The following GBE1 variants were observed in gnomAD, a reference collection of about 807,000 sequenced individuals.
The protein encoded by GBE1 is 1,4-alpha-glucan branching enzyme 1, also known as 1,4-alpha-glucan-branching enzyme.
GBE1 carries 70 observed loss-of-function variants against 88.8 expected under a neutral mutation model. That is an observed-to-expected ratio of 0.79 (90% CI 0.65 to 0.96). GBE1 has a LOEUF of 0.96. GBE1 is among the 40% of genes least tolerant of loss of function. The probability of loss-of-function intolerance (pLI) is 0.00; values close to 1 mark genes in which losing one functional copy is unlikely to be tolerated. For missense variants in GBE1, 872 were observed against 871.0 expected, an observed-to-expected ratio of 1.00 and a Z score of -0.01; for synonymous variants, 284 against 300.1, an observed-to-expected ratio of 0.95 and a Z score of 0.56.
chr3:81,659,267 A>C (rs1234222388), intron 3 of GBE1, among the ~76,000 whole-genome samples: 8 of 152,122 alleles, frequency 5.3e-5, no homozygotes, highest in Non-Finnish European at 8.8e-5. Context: ...TAATTACAAA[A>C]GTCTATGTGG....
intron 14 of GBE1, among the ~76,000 whole-genome samples, chr3:81,502,077 T>A (rs1702593972): frequency 6.6e-6 from 1 of 151,898 alleles, no homozygotes; most frequent in African/African-American, 2.4e-5. Context: ...TAATATTTAA[T>A]CGTTATTTTC....
intron 1 of GBE1, among the ~76,000 whole-genome samples, chr3:81,753,570 C>T (rs753013392): frequency 3.2e-4 from 49 of 152,288 alleles, no homozygotes; most frequent in Non-Finnish European, 5.6e-4. Flanking sequence ...GAAAGGAATC[C>T]TGTAAGTTAC....
intron 1 of GBE1, among the ~76,000 whole-genome samples, chr3:81,735,679 C>A (rs1401563170): frequency 6.6e-6 from 1 of 152,124 alleles, no homozygotes; most frequent in African/African-American, 2.4e-5. Flanking sequence ...TGGGCTTTTT[C>A]CCAGTAAACA....
intron 3 of GBE1, among the ~76,000 whole-genome samples, chr3:81,663,849 C>A (rs1171315229): frequency 6.6e-6 from 1 of 152,158 alleles, no homozygotes; most frequent in African/African-American, 2.4e-5. Flanking sequence ...AGCCACACCC[C>A]CATCGCGCGC....
intron 14 of GBE1, among the ~76,000 whole-genome samples, chr3:81,516,480 G>A (rs1002647682): frequency 2.6e-5 from 4 of 151,502 alleles, no homozygotes; most frequent in East Asian, 1.9e-4. Flanking sequence ...CTCTGACTGA[G>A]ATGTACAAGG....
intron 9 of GBE1, among the ~76,000 whole-genome samples, chr3:81,588,749 T>G (rs1048899191): frequency 6.6e-6 from 1 of 152,154 alleles, no homozygotes; most frequent in African/African-American, 2.4e-5. Context: ...TCTTACACAT[T>G]GTTACATTTA....
At chr3:81,575,999 A>G in intron 12 of GBE1, among the ~76,000 whole-genome samples, 1 of 152,158 alleles carries the variant, frequency 6.6e-6, no homozygotes, top group East Asian at 1.9e-4. Flanking sequence ...CTCACAAGTG[A>G]CAAATCTTAC....
chr3:81,611,057 GA>G (rs531827971), intron 7 of GBE1, among the ~76,000 whole-genome samples: 2,142 of 148,708 alleles, frequency 0.014, 58 homozygotes, highest in African/African-American at 0.05. Flanking sequence ...AGTCAGGTTA[GA>G]AAAAAAAAAT....
chr3:81,641,476 T>C (rs1237421616), intron 7 of GBE1, among the ~76,000 whole-genome samples: 1 of 152,102 alleles, frequency 6.6e-6, no homozygotes, highest in Non-Finnish European at 1.5e-5. Flanking sequence ...ATAATAAATG[T>C]TCAAAAGGTG....
chr3:81,718,228 C>T (rs1388142661), intron 1 of GBE1, among the ~76,000 whole-genome samples: 1 of 152,028 alleles, frequency 6.6e-6, no homozygotes, highest in Non-Finnish European at 1.5e-5. Flanking sequence ...GATCCACCCG[C>T]CTCAGCTTCC....
intron 12 of GBE1, among the ~76,000 whole-genome samples, chr3:81,562,177 T>C (rs974325925): frequency 3.9e-5 from 6 of 152,064 alleles, no homozygotes; most frequent in African/African-American, 1.2e-4. Context: ...CAAATTAGTG[T>C]AGAATGAAGA....
At chr3:81,618,533 G>A (rs1403811956) in intron 7 of GBE1, among the ~76,000 whole-genome samples, 1 of 152,024 alleles carries the variant, frequency 6.6e-6, no homozygotes, top group Non-Finnish European at 1.5e-5. Context: ...TTAATTTTTA[G>A]GCAGGACAAA....
intron 7 of GBE1, among the ~76,000 whole-genome samples, chr3:81,635,155 G>A (rs1402303704): frequency 6.6e-6 from 1 of 152,124 alleles, no homozygotes; most frequent in South Asian, 2.1e-4. Flanking sequence ...AATTTGAAAG[G>A]CTATACAGGT....
intron 12 of GBE1, among the ~76,000 whole-genome samples, chr3:81,577,475 A>G (rs1703664252): frequency 1.3e-5 from 2 of 152,168 alleles, no homozygotes; most frequent in South Asian, 4.1e-4. Flanking sequence ...GTCCAACACA[A>G]TATCTCTGAA....
chr3:81,573,099 AT>A (rs147966442), intron 12 of GBE1, among the ~76,000 whole-genome samples: 6,026 of 152,230 alleles, frequency 0.04, 392 homozygotes, highest in African/African-American at 0.14. Flanking sequence ...TTAAAAAAAA[AT>A]AAACCATAAT....
chr3:81,691,045 A>C (rs1705511795), intron 2 of GBE1, among the ~76,000 whole-genome samples: 1 of 152,110 alleles, frequency 6.6e-6, no homozygotes, highest in African/African-American at 2.4e-5. Flanking sequence ...CTCTTCCTAT[A>C]TGGCCGATGA....
At chr3:81,724,812 C>T (rs1410436921) in intron 1 of GBE1, among the ~76,000 whole-genome samples, 1 of 151,976 alleles carries the variant, frequency 6.6e-6, no homozygotes, top group East Asian at 1.9e-4. Flanking sequence ...CATATCTAAG[C>T]CCTCTAAAAT....
chr3:81,707,273 C>A (rs550289391), intron 1 of GBE1, among the ~76,000 whole-genome samples: 1 of 151,910 alleles, frequency 6.6e-6, no homozygotes, highest in Non-Finnish European at 1.5e-5. Context: ...ATAAAGCCAA[C>A]TCCACACAAT....
intron 12 of GBE1, among the ~76,000 whole-genome samples, chr3:81,569,469 G>T (rs535870922): frequency 3.3e-5 from 5 of 152,240 alleles, no homozygotes; most frequent in African/African-American, 9.6e-5. Flanking sequence ...TGTGGCAAGG[G>T]GTCAGAGATG....
Sources: allele counts gnomAD v4.1 joint callset (sites outside exome capture counted in the v4.1 genomes callset), GRCh38; gene constraint gnomAD v4.1.1; transcripts MANE v1.5; gene names NCBI Gene and HGNC (gene_info 2026-07-23, HGNC 2026-07-21).